ITGA8: variants seen among roughly 807,000 people sequenced by gnomAD.
The protein encoded by ITGA8 is integrin alpha-8.
A neutral mutation model predicts 142.3 loss-of-function variants in ITGA8; 91 were observed. The observed-to-expected ratio is 0.64, with a 90% CI of 0.54 to 0.76. The LOEUF (loss-of-function observed/expected upper bound fraction) is 0.76. Ranked by LOEUF, ITGA8 falls within the 30% of genes least tolerant of loss-of-function variation. ITGA8 has a pLI of 0.00. For synonymous variants in ITGA8, 505 were observed against 485.2 expected (o/e 1.04, Z -0.54); for missense variants, 1,406 against 1,327.7 (o/e 1.06, Z -0.92).
chr10:15,701,161 T>C (rs1297416787), intron 2 of ITGA8, among the ~76,000 whole-genome samples: 1 of 152,206 alleles, frequency 6.6e-6, no homozygotes, highest in Non-Finnish European at 1.5e-5. Flanking sequence ...AAATATTCTA[T>C]GCATGGATGT....
At chr10:15,586,827 G>A (rs1304287481) in intron 22 of ITGA8, among the ~76,000 whole-genome samples, 163 bp from the exon 23 acceptor site, 1 of 152,190 alleles carries the variant, frequency 6.6e-6, no homozygotes, top group Non-Finnish European at 1.5e-5. Flanking sequence ...CATTTGTACA[G>A]AGAAATGCTA....
intron 3 of ITGA8, among the ~76,000 whole-genome samples, chr10:15,687,397 A>G (rs9333080): frequency 0.11 from 16,676 of 152,248 alleles, 958 homozygotes; most frequent in East Asian, 0.19. Context: ...ATAAAATAAT[A>G]GAATTATTAA....
intron 6 of ITGA8, among the ~76,000 whole-genome samples, chr10:15,673,565 A>G (rs189059939): frequency 6.6e-5 from 10 of 152,318 alleles, no homozygotes; most frequent in East Asian, 3.9e-4. Context: ...TGGTATTCTA[A>G]TAAAACATTT....
At chr10:15,696,441 GA>G (rs1188420618) in intron 2 of ITGA8, among the ~76,000 whole-genome samples, 1 of 151,962 alleles carries the variant, frequency 6.6e-6, no homozygotes, top group Admixed American at 6.6e-5. Context: ...AAATTCAATA[GA>G]AAAAAATTTC....
chr10:15,685,517 A>G (rs1301216212), intron 3 of ITGA8, among the ~76,000 whole-genome samples: 1 of 152,230 alleles, frequency 6.6e-6, no homozygotes, highest in African/African-American at 2.4e-5. Flanking sequence ...ATGCATGCCT[A>G]TCAGATAGAA....
chr10:15,674,242 A>G (rs1324166584), intron 6 of ITGA8, among the ~76,000 whole-genome samples: 1 of 152,138 alleles, frequency 6.6e-6, no homozygotes, highest in Non-Finnish European at 1.5e-5. Context: ...ACAGCTAAAT[A>G]CCCTCTTTCC....
Position 15,644,013 on chromosome 10 carries a change from A to G in ITGA8, c.1399+17T>C, listed in dbSNP as rs1480203104. On this transcript the variant is annotated intron_variant, in intron 13 of 29. Coordinates refer to ENST00000378076, the MANE Select transcript of ITGA8 (RefSeq NM_003638.3). The stretch of plus-strand genomic sequence containing the variant: ...CAGGACGTAGACTCTCACGTGGGAA[A>G]AGAAAGAAAACCTTACCTGGGTAAT... The G allele has an allele frequency of 1.2e-6, 2 of 1,601,992 alleles. No homozygotes were observed. Among genetic ancestry groups the G allele is most frequent in the Non-Finnish European group, 1.7e-6 (2 of 1,172,230 alleles).
chr10:15,694,099 T>C (rs1487065648), intron 2 of ITGA8, among the ~76,000 whole-genome samples: 1 of 146,244 alleles, frequency 6.8e-6, no homozygotes, highest in East Asian at 2.0e-4. Flanking sequence ...ATTTATAATA[T>C]ACCTATATAT....
intron 23 of ITGA8, among the ~76,000 whole-genome samples, chr10:15,579,710 C>T (rs1212055723): frequency 6.6e-6 from 1 of 151,628 alleles, no homozygotes; most frequent in Non-Finnish European, 1.5e-5. Context: ...AATTAGAAGT[C>T]AACAAAAATA....
At position 15,616,519 on chromosome 10, in the gene ITGA8, A is replaced by G; in HGVS notation, c.1440T>C (p.Val480=). The G allele has an allele frequency of 6.2e-7, 1 of 1,610,606 alleles. No individual in the cohort carries two copies. Among genetic ancestry groups the G allele is most frequent in the Non-Finnish European group, 8.5e-7 (1 of 1,177,822 alleles). ...VGAFGTGKVA[V]YRARPVVTVD... Reference sequence around the variant, plus strand: ...GAATACTACCAACCACATACCTGTAAACAGCGACTTTTCCTGTTCCAAATG... The same window carrying G: ...GAATACTACCAACCACATACCTGTAGACAGCGACTTTTCCTGTTCCAAATG... Residue 480 remains valine, a synonymous_variant, in exon 14 of 30, where the codon GTT becomes GTC. Transcript: ENST00000378076.
At chr10:15,670,180 G>A (rs1834484695) in intron 8 of ITGA8, among the ~76,000 whole-genome samples, 1 of 152,172 alleles carries the variant, frequency 6.6e-6, no homozygotes, top group Admixed American at 6.5e-5. Flanking sequence ...TTGCATTAGT[G>A]AAATGCAGTC....
intron 13 of ITGA8, among the ~76,000 whole-genome samples, chr10:15,630,030 A>G (rs974622762): frequency 7.2e-5 from 11 of 152,068 alleles, no homozygotes; most frequent in Non-Finnish European, 1.5e-4. Context: ...TAAACCTCTT[A>G]AAATAATTGA....
intron 26 of ITGA8, among the ~76,000 whole-genome samples, chr10:15,554,236 T>G (rs1446603900): frequency 6.6e-6 from 1 of 152,164 alleles, no homozygotes; most frequent in Non-Finnish European, 1.5e-5. Flanking sequence ...ACCCATTTGT[T>G]TTCCTTAAAA....
intron 21 of ITGA8, among the ~76,000 whole-genome samples, chr10:15,593,448 T>TAG (rs1832958445): frequency 6.6e-6 from 1 of 152,160 alleles, no homozygotes; most frequent in African/African-American, 2.4e-5. Flanking sequence ...ACCTGAGGAT[T>TAG]AGAGAGATGA....
intron 27 of ITGA8, among the ~76,000 whole-genome samples, chr10:15,540,453 C>G (rs1276088391): frequency 2.6e-5 from 4 of 152,152 alleles, no homozygotes; most frequent in Admixed American, 6.5e-5. Flanking sequence ...CATGTTCTCT[C>G]CTCAGTTTGG....
intron 26 of ITGA8, among the ~76,000 whole-genome samples, chr10:15,554,786 C>T (rs919224305): frequency 6.6e-6 from 1 of 151,322 alleles, no homozygotes; most frequent in African/African-American, 2.4e-5. Context: ...AATTGACTCA[C>T]AGTTCCACAG....
At chr10:15,717,979 C>T (rs942507279) in intron 2 of ITGA8, among the ~76,000 whole-genome samples, 25 of 152,176 alleles carry the variant, frequency 1.6e-4, no homozygotes, top group Non-Finnish European at 5.9e-5. Context: ...CTGACATATT[C>T]GCATTTTTCT....
intron 2 of ITGA8, among the ~76,000 whole-genome samples, chr10:15,696,040 A>C (rs1435827624): frequency 6.6e-6 from 1 of 152,166 alleles, no homozygotes; most frequent in Non-Finnish European, 1.5e-5. Flanking sequence ...TGTAATACTC[A>C]ATGTGCTTTC....
chr10:15,704,886 C>A (rs1835229169), intron 2 of ITGA8, among the ~76,000 whole-genome samples: 1 of 152,156 alleles, frequency 6.6e-6, no homozygotes, highest in African/African-American at 2.4e-5. Context: ...ATTTACACTG[C>A]CTCCTGTTAC....
Sources: allele counts gnomAD v4.1 joint callset (sites outside exome capture counted in the v4.1 genomes callset), GRCh38; gene constraint gnomAD v4.1.1; transcripts MANE v1.5; gene names NCBI Gene and HGNC (gene_info 2026-07-23, HGNC 2026-07-21).